Variants in MED14 observed in about 807,000 individuals in gnomAD.
The protein encoded by MED14 is mediator of RNA polymerase II transcription subunit 14.
A neutral mutation model predicts 109.0 loss-of-function variants in MED14; 8 were observed. The ratio of observed to expected loss-of-function variants is 0.07; its 90% CI spans 0.04 to 0.13. MED14 has a LOEUF of 0.13. Among genes scored for constraint, MED14 ranks in the 10% least tolerant of loss-of-function variants. The pLI is 1.00. For missense variants in MED14, 711 were observed against 1,142.4 expected (o/e 0.62, Z 5.44); for synonymous variants, 399 against 408.7 (o/e 0.98, Z 0.29).
At chrX:40,655,183 A>G in intron 28 of MED14, 123 bp from the exon 29 acceptor site, 1 of 672,294 alleles carries the variant, frequency 1.5e-6, no homozygotes, top group Admixed American at 3.6e-5. Flanking sequence ...CATAAAGTTA[A>G]TAACTGCACT....
At chrX:40,672,535 G>T (rs1302994115) in intron 22 of MED14, among the ~76,000 whole-genome samples, 2 of 112,206 alleles carry the variant, frequency 1.8e-5, no homozygotes, top group Admixed American at 9.4e-5. Context: ...AGTGGCAAAC[G>T]AGAGTTTCAG....
Position 40,651,624 on chromosome X carries a change from T to A in MED14, c.*182A>T. On this transcript the variant is annotated 3_prime_UTR_variant, in exon 31 of 31. Coordinates refer to ENST00000324817, the MANE Select transcript of MED14 (RefSeq NM_004229.4). The stretch of plus-strand genomic sequence containing the variant: ...ATTTAAACACACTATACAAGTTCAT[T>A]ATACAAAAGATGGATGATCATTTTG... 9.6e-7 allele frequency: 1 copy of A among 1,036,360 alleles called. No homozygotes were observed. Among genetic ancestry groups the A allele is most frequent in the Non-Finnish European group, 1.2e-6 (1 of 810,437 alleles). 85.4% of individuals were successfully genotyped at this position (1,036,360 alleles called of 1,213,427 possible). A position where few individuals can be genotyped will look rare whatever the true frequency, so the allele number is the denominator to read the frequency against.
chrX:40,689,496 C>T (rs750475218), intron 15 of MED14, among the ~76,000 whole-genome samples: 2 of 110,822 alleles, frequency 1.8e-5, no homozygotes, highest in Non-Finnish European at 3.8e-5. Flanking sequence ...GAGTTCAAGA[C>T]GAGCCTAGCC....
chrX:40,717,748 C>T (rs1208832314), intron 3 of MED14, among the ~76,000 whole-genome samples: 4 of 111,852 alleles, frequency 3.6e-5, no homozygotes, highest in Non-Finnish European at 7.5e-5. Flanking sequence ...GTCTCGAACT[C>T]CTGACCTCAG....
chrX:40,680,813 A>C lies in MED14; in HGVS notation c.2555T>G (p.Leu852Arg). The C allele has an allele frequency of 8.3e-7, 1 of 1,206,217 alleles. No homozygotes were observed. Among genetic ancestry groups the C allele is most frequent in the Non-Finnish European group, 1.1e-6 (1 of 890,854 alleles). ...GTTGAACATTTCTTGAAGCTGATGG[A>C]GAATGGTATTGTGACAGTTACTGCA... ...SGCSNCHNTI[L>R]HQLQEMFNKT... Residue 852 changes from leucine (L) to arginine (R), a missense_variant, in exon 20 of 31, where the codon CTC becomes CGC. Transcript: ENST00000324817.
Position 40,650,745 on chromosome X carries a change from T to C in MED14, c.*1061A>G. 1 of 754,116 alleles carries C rather than the reference T, an allele frequency of 1.3e-6. No individual in the cohort carries two copies. The highest frequency in any genetic ancestry group is 2.3e-5 in the African/African-American group (1 of 43,861). The allele number at this position is 754,116 out of a possible 1,213,427, so 62.1% of individuals were successfully genotyped here. A position where few individuals can be genotyped will look rare whatever the true frequency, so the allele number is the denominator to read the frequency against. The stretch of plus-strand genomic sequence containing the variant: ...CTTCCAAGCAAAACATTCTATCGTT[T>C]TGTTGACAATGAATTAAATTGAAAT... On this transcript the variant is annotated 3_prime_UTR_variant, in exon 31 of 31. Coordinates refer to ENST00000324817, the MANE Select transcript of MED14 (RefSeq NM_004229.4).
Position 40,692,826 on chromosome X carries a change from G to A in MED14, c.1727C>T (p.Ala576Val). The A allele has an allele frequency of 8.3e-7, 1 of 1,208,901 alleles. No homozygotes were observed. ...YKYYFMSVNA[A>V]DREDSPAMAL... The stretch of plus-strand genomic sequence containing the variant: ...CATTGCAGGGCTGTCTTCACGATCT[G>A]CAGCATTCACAGACATAAAGTAGTA... The change falls in exon 14 of 31, where the codon GCA (alanine) becomes GTA (valine). Residue 576 changes from alanine to valine, a missense_variant. Physicochemically the swap from Ala to Val is moderately conservative, Grantham distance 64. Transcript: ENST00000324817.
chrX:40,668,383 C>CAAAAAAAAAAAAAAAAAAAAAAAA (rs779386609), intron 23 of MED14, among the ~76,000 whole-genome samples: 2 of 43,331 alleles, frequency 4.6e-5, no homozygotes, highest in Non-Finnish European at 7.7e-5. Context: ...ACTCTGTCTC[C>CAAAAAAAAAAAAAAAAAAAAAAAA]AAAAAAAAAA....
intron 1 of MED14, among the ~76,000 whole-genome samples, chrX:40,732,251 G>T (rs776424950): frequency 8.9e-6 from 1 of 112,893 alleles, no homozygotes; most frequent in African/African-American, 3.2e-5. Flanking sequence ...GGGCACAGCG[G>T]CTCACGCCTG....
At chrX:40,683,450 G>C (rs1052846025) in intron 16 of MED14, among the ~76,000 whole-genome samples, 2 of 112,172 alleles carry the variant, frequency 1.8e-5, no homozygotes, top group African/African-American at 6.5e-5. Flanking sequence ...GAATTTCCCA[G>C]CTACAAAATA....
chrX:40,667,515 G>T (rs963750896), intron 23 of MED14, among the ~76,000 whole-genome samples: 1 of 112,016 alleles, frequency 8.9e-6, no homozygotes, highest in Non-Finnish European at 1.9e-5. Flanking sequence ...GTGAACGAGG[G>T]GGGCAGTGGG....
chrX:40,731,543 A>G (rs934577980), intron 1 of MED14, among the ~76,000 whole-genome samples: 2 of 112,173 alleles, frequency 1.8e-5, no homozygotes, highest in Non-Finnish European at 3.8e-5. Flanking sequence ...AAGAACAAAA[A>G]TAACTTTTCC....
chrX:40,703,026 C>G (rs1228982309), intron 11 of MED14, among the ~76,000 whole-genome samples: 1 of 111,991 alleles, frequency 8.9e-6, no homozygotes, highest in Admixed American at 9.4e-5. Flanking sequence ...ATCCTTTCCT[C>G]CAGGATTCTG....
At chrX:40,686,560 G>A (rs1930303194) in intron 16 of MED14, among the ~76,000 whole-genome samples, 1 of 111,564 alleles carries the variant, frequency 9.0e-6, no homozygotes, top group African/African-American at 3.3e-5. Context: ...AAGATAGCCA[G>A]GAAGAGGAAC....
chrX:40,719,687 G>A (rs1262283182), intron 3 of MED14, among the ~76,000 whole-genome samples: 3 of 111,910 alleles, frequency 2.7e-5, no homozygotes, highest in African/African-American at 9.8e-5. Context: ...TTTTCTTTCT[G>A]AGGTGATTAA....
At position 40,650,325 on chromosome X, in the gene MED14, TCAAA is replaced by T. The variant is rs1187949261; in HGVS notation, c.*1477_*1480del. On this transcript the variant is annotated 3_prime_UTR_variant, in exon 31 of 31. Transcript: ENST00000324817. ...ACTCTGATTGAAAATGAGTGGAGAA[TCAAA>T]CAAAGTTGAGAACAGATATGATATA... 12 of 751,842 alleles carry T rather than the reference TCAAA, an allele frequency of 1.6e-5. No homozygotes were observed. The highest frequency in any genetic ancestry group is 1.5e-4 in the East Asian group (1 of 6,598). The allele number at this position is 751,842 out of a possible 1,213,427, so 62.0% of individuals were successfully genotyped here.
chrX:40,709,880 A>G (rs1353928041), intron 9 of MED14, 99 bp downstream of exon 9: 1 of 523,960 alleles, frequency 1.9e-6, no homozygotes, highest in Non-Finnish European at 3.0e-6. Context: ...AGGTTTTAGG[A>G]AGAATTAGAT....
rs972759861 is a variant in MED14, at chrX:40,713,023, A to G, written c.672T>C (p.Phe224=). 8.5e-6 allele frequency: 10 copies of G among 1,174,522 alleles called. No individual in the cohort carries two copies. Among genetic ancestry groups the G allele is most frequent in the Non-Finnish European group, 9.2e-6 (8 of 871,970 alleles). ...NLTVANGRVK[F]RVEGEFEATL... ...TGGCTTCAAATTCTCCTTCAACACG[A>G]AACTTCACCCGGCCATTTGCTTTTA... Residue 224 remains phenylalanine, a synonymous_variant, in exon 6 of 31, where the codon TTT becomes TTC. Coordinates refer to ENST00000324817, the MANE Select transcript of MED14 (RefSeq NM_004229.4).
At chrX:40,663,721 T>A (rs1337292904) in intron 25 of MED14, among the ~76,000 whole-genome samples, 3 of 112,719 alleles carry the variant, frequency 2.7e-5, no homozygotes, top group African/African-American at 9.7e-5. Context: ...AACCAATATA[T>A]AACAATCATA....
Sources: allele counts gnomAD v4.1 joint callset (sites outside exome capture counted in the v4.1 genomes callset), GRCh38; gene constraint gnomAD v4.1.1; transcripts MANE v1.5; gene names NCBI Gene and HGNC (gene_info 2026-07-23, HGNC 2026-07-21).